The following CNTN5 variants were observed in gnomAD, a reference collection of about 807,000 sequenced individuals.
CNTN5 encodes the protein contactin 5, also known as contactin-5.
In CNTN5, 77 loss-of-function variants were observed where a neutral mutation model predicts 129.1. That is an observed-to-expected ratio of 0.60 (90% confidence interval 0.50 to 0.72). The LOEUF is 0.72. Among genes scored for constraint, CNTN5 ranks in the 30% least tolerant of loss-of-function variants. The pLI is 0.00. For missense variants in CNTN5, 1,478 were observed against 1,328.8 expected (o/e 1.11, Z -1.75); for synonymous variants, 509 against 465.6 (o/e 1.09, Z -1.20).
At position 99,815,305 on chromosome 11, in the gene CNTN5, C is replaced by T. The variant is rs556695879; in HGVS notation, c.56-4239C>T. Among the ~76,000 whole-genome samples, 83 of 151,106 alleles carry T rather than the reference C, an allele frequency of 5.5e-4. 1 individual carries two copies. Among genetic ancestry groups the T allele is most frequent in the Non-Finnish European group, 8.3e-4 (56 of 67,500 alleles). On this transcript the variant is annotated intron_variant, in intron 3 of 24. Coordinates refer to ENST00000524871, the MANE Select transcript of CNTN5 (RefSeq NM_014361.4). ...AGATAAAGTCCTATCAATGAAACAA[C>T]ATTTCCCACTTATTTATGCTAATAT...
intron 6 of CNTN5, among the ~76,000 whole-genome samples, chr11:99,889,639 G>A (rs544642641): frequency 2.3e-4 from 35 of 151,084 alleles, no homozygotes; most frequent in African/African-American, 7.1e-4. Flanking sequence ...GGGTTCGAGC[G>A]ATTCTCCTGC....
At chr11:99,447,921 T>A (rs1944137702) in intron 2 of CNTN5, among the ~76,000 whole-genome samples, 1 of 152,108 alleles carries the variant, frequency 6.6e-6, no homozygotes, top group African/African-American at 2.4e-5. Context: ...CGAGACTCCG[T>A]CTAAAAATAA....
chr11:99,109,893 G>GT (rs1216406935), intron 1 of CNTN5, among the ~76,000 whole-genome samples: 3 of 151,984 alleles, frequency 2.0e-5, no homozygotes, highest in Non-Finnish European at 4.4e-5. Flanking sequence ...ATTTCATTCT[G>GT]TTTTTCCTAG....
At chr11:99,993,949 A>G (rs932613590) in intron 8 of CNTN5, among the ~76,000 whole-genome samples, 3 of 152,178 alleles carry the variant, frequency 2.0e-5, no homozygotes, top group Non-Finnish European at 4.4e-5. Flanking sequence ...AAATTAGGTA[A>G]AATAATTTGA....
At chr11:99,839,420 T>A (rs578065093) in intron 4 of CNTN5, among the ~76,000 whole-genome samples, 3 of 152,182 alleles carry the variant, frequency 2.0e-5, no homozygotes, top group African/African-American at 7.2e-5. Context: ...TTTATATATA[T>A]ATATTTTTTT....
intron 1 of CNTN5, among the ~76,000 whole-genome samples, chr11:99,205,611 G>A (rs909242215): frequency 3.9e-5 from 6 of 152,042 alleles, no homozygotes; most frequent in Admixed American, 6.6e-5. Flanking sequence ...ATAGCTATTG[G>A]CACTGCATTG....
In CNTN5 at chr11:99,591,484, C is replaced by CTACAG. The variant is rs1410990359; in HGVS notation, c.55+35215_55+35216insTACAG. Among the ~76,000 whole-genome samples the CTACAG allele has an allele frequency of 2.0e-5, 3 of 151,652 alleles. No individual in the cohort carries two copies. The East Asian group carries it at 5.8e-4, about 30-fold the overall frequency. On this transcript the variant is annotated intron_variant, in intron 3 of 24. Transcript: ENST00000524871. Reference sequence around the variant, plus strand: ...TCCCGAGTAGCTGAGACTACAGGCGCGTGCCACCATGCCCGGCTAATTTTT... The same window carrying CTACAG: ...TCCCGAGTAGCTGAGACTACAGGCGCTACAGGTGCCACCATGCCCGGCTAATTTTT...
Position 100,216,700 on chromosome 11 carries a change from G to A in CNTN5, c.1885-7992G>A, listed in dbSNP as rs191589443. On this transcript the variant is annotated intron_variant, in intron 15 of 24. Coordinates refer to ENST00000524871, the MANE Select transcript of CNTN5 (RefSeq NM_014361.4). Reference sequence around the variant, plus strand: ...TATGCAGCCTTTTATGCCTAGATGCGGTTGATGAAAACAGTCATAAAAGCA... The same window carrying A: ...TATGCAGCCTTTTATGCCTAGATGCAGTTGATGAAAACAGTCATAAAAGCA... Among the ~76,000 whole-genome samples the A allele has an allele frequency of 2.2e-3, 334 of 152,122 alleles. 4 individuals are homozygous for A. The highest frequency in any genetic ancestry group is 7.5e-3 in the South Asian group (36 of 4,826).
intron 6 of CNTN5, among the ~76,000 whole-genome samples, chr11:99,867,140 T>G (rs897916808): frequency 6.6e-6 from 1 of 152,206 alleles, no homozygotes; most frequent in African/African-American, 2.4e-5. Flanking sequence ...AATGCTCTTG[T>G]AAAGAAAGAG....
intron 3 of CNTN5, among the ~76,000 whole-genome samples, chr11:99,627,333 C>G (rs1350406197): frequency 1.3e-5 from 2 of 151,848 alleles, no homozygotes; most frequent in African/African-American, 4.8e-5. Flanking sequence ...TTTTATTTTT[C>G]TTAATGAAAA....
chr11:99,811,367 T>C (rs1946422326), intron 3 of CNTN5, among the ~76,000 whole-genome samples: 1 of 151,504 alleles, frequency 6.6e-6, no homozygotes, highest in African/African-American at 2.4e-5. Flanking sequence ...ATTTTTATCA[T>C]ATTGACATTT....
rs143831883 is a variant in CNTN5, at chr11:99,230,462, C to G, written c.-209-94884C>G. On this transcript the variant is annotated intron_variant, in intron 1 of 24. Coordinates refer to ENST00000524871, the MANE Select transcript of CNTN5 (RefSeq NM_014361.4). ...TATGTTTTTTGGGACTTCTGACTAA[C>G]CAAGTTTGCTTATTTGCTGTGTTTT... 3.4e-3 allele frequency among the ~76,000 whole-genome samples: 516 copies of G among 152,128 alleles called. 2 individuals carry two copies. Among genetic ancestry groups the G allele is most frequent in the African/African-American group, 0.012 (496 of 41,510 alleles).
At position 99,715,505 on chromosome 11, in the gene CNTN5, G is replaced by C. The variant is rs1220990485; in HGVS notation, c.56-104039G>C. ...TCGAGCAGGCCATGAATGTTTGCCA[G>C]GGGAATGAGAGGAAGAACAGGAAAC... On this transcript the variant is annotated intron_variant, in intron 3 of 24. Transcript: ENST00000524871. Among the ~76,000 whole-genome samples, 3 of 151,666 alleles carry C rather than the reference G, an allele frequency of 2.0e-5. No individual in the cohort carries two copies. In the East Asian group the frequency reaches 5.9e-4, roughly 30 times the overall value.
At chr11:99,829,611 C>G (rs998953963) in intron 4 of CNTN5, among the ~76,000 whole-genome samples, 2 of 152,116 alleles carry the variant, frequency 1.3e-5, no homozygotes, top group Admixed American at 6.6e-5. Context: ...CAACCCGATA[C>G]TGTTATTTTG....
intron 2 of CNTN5, among the ~76,000 whole-genome samples, chr11:99,439,872 G>T (rs1438803064): frequency 6.6e-6 from 1 of 151,982 alleles, no homozygotes; most frequent in Non-Finnish European, 1.5e-5. Context: ...ATTAGTATTT[G>T]GTAATGGAGA....
intron 6 of CNTN5, among the ~76,000 whole-genome samples, chr11:99,903,096 A>C (rs1363332199): frequency 6.6e-6 from 1 of 152,116 alleles, no homozygotes; most frequent in African/African-American, 2.4e-5. Flanking sequence ...ACTATACAAC[A>C]GCAAATGAGC....
At chr11:99,576,311 AGAACCTCATCTAT>A (rs1356211076) in intron 3 of CNTN5, among the ~76,000 whole-genome samples, 13 of 152,316 alleles carry the variant, frequency 8.5e-5, no homozygotes, top group Admixed American at 7.2e-4. Flanking sequence ...AGACCCATCA[AGAACCTCATCTAT>A]GGCAGAGAAA....
chr11:99,321,594 G>T (rs917888254), intron 1 of CNTN5, among the ~76,000 whole-genome samples: 3 of 152,104 alleles, frequency 2.0e-5, no homozygotes, highest in Non-Finnish European at 4.4e-5. Context: ...GTGGATCAAA[G>T]ACTTGGTTAC....
At chr11:99,506,037 G>A (rs1946604439) in intron 2 of CNTN5, among the ~76,000 whole-genome samples, 1 of 152,210 alleles carries the variant, frequency 6.6e-6, no homozygotes, top group Non-Finnish European at 1.5e-5. Context: ...GAATAAACAG[G>A]AGGTAATCCC....
Sources: allele counts gnomAD v4.1 joint callset (sites outside exome capture counted in the v4.1 genomes callset), GRCh38; gene constraint gnomAD v4.1.1; transcripts MANE v1.5; gene names NCBI Gene and HGNC (gene_info 2026-07-23, HGNC 2026-07-21).